Variants in ICA1 observed in about 807,000 individuals in gnomAD.
ICA1 encodes islet cell autoantigen 1, also known as 69 kDa islet cell autoantigen.
In ICA1, 40 loss-of-function variants were observed where a neutral mutation model predicts 71.0. That is an observed-to-expected ratio of 0.56 (90% confidence interval 0.44 to 0.73). The LOEUF (loss-of-function observed/expected upper bound fraction) is 0.73. Ranked by LOEUF, ICA1 falls within the 30% of genes least tolerant of loss-of-function variation. The pLI is 0.00. For missense variants in ICA1, 578 were observed against 576.5 expected (o/e 1.00, Z -0.03); for synonymous variants, 207 against 209.5 (o/e 0.99, Z 0.10).
intron 8 of ICA1, among the ~76,000 whole-genome samples, chr7:8,155,433 T>C (rs1801152964): frequency 6.6e-6 from 1 of 152,210 alleles, no homozygotes; most frequent in African/African-American, 2.4e-5. Context: ...CATATTTTCC[T>C]CAGCACAGGA....
intron 10 of ICA1, among the ~76,000 whole-genome samples, chr7:8,139,645 G>A (rs535348492): frequency 6.6e-6 from 1 of 152,266 alleles, no homozygotes; most frequent in Non-Finnish European, 1.5e-5. Context: ...AACACCAAGC[G>A]TGAATGCTAA....
At chr7:8,180,481 G>A (rs991007692) in intron 6 of ICA1, among the ~76,000 whole-genome samples, 5 of 152,036 alleles carry the variant, frequency 3.3e-5, no homozygotes, top group South Asian at 2.1e-4. Flanking sequence ...AAATACTGCC[G>A]TGAACATTCT....
chr7:8,256,944 G>A (rs1563231782), intron 1 of ICA1, among the ~76,000 whole-genome samples: 2 of 152,212 alleles, frequency 1.3e-5, no homozygotes, highest in South Asian at 4.1e-4. Context: ...TTTTGCAAGT[G>A]AGAAACAAAG....
At chr7:8,237,683 C>G (rs986804064) in intron 1 of ICA1, among the ~76,000 whole-genome samples, 1 of 152,136 alleles carries the variant, frequency 6.6e-6, no homozygotes, top group Non-Finnish European at 1.5e-5. Flanking sequence ...AATGCAAACA[C>G]TCAGTATTTG....
intron 5 of ICA1, among the ~76,000 whole-genome samples, chr7:8,219,461 C>A (rs1435323959): frequency 2.6e-5 from 4 of 152,208 alleles, no homozygotes; most frequent in Non-Finnish European, 5.9e-5. Context: ...GCCTTACGTG[C>A]GTGTAGCACG....
chr7:8,237,891 G>C (rs565074021), intron 1 of ICA1, among the ~76,000 whole-genome samples: 1 of 151,360 alleles, frequency 6.6e-6, no homozygotes, highest in African/African-American at 2.4e-5. Flanking sequence ...TGGATATTTA[G>C]GTTGCTTTCA....
At chr7:8,176,400 G>A (rs1780641776) in intron 6 of ICA1, among the ~76,000 whole-genome samples, 1 of 152,204 alleles carries the variant, frequency 6.6e-6, no homozygotes, top group African/African-American at 2.4e-5. Context: ...CCTCAGCAGA[G>A]TTAGCAGCTT....
At chr7:8,248,192 G>A (rs1316749605) in intron 1 of ICA1, among the ~76,000 whole-genome samples, 8 of 152,124 alleles carry the variant, frequency 5.3e-5, no homozygotes, top group Non-Finnish European at 1.2e-4. Flanking sequence ...TCCATTCAGT[G>A]GGTAGCTTTT....
At position 8,127,979 on chromosome 7, in the gene ICA1, G is replaced by A; in HGVS notation, c.1224C>T (p.Pro408=). The change falls in exon 13 of 14, where the codon CCC becomes CCT. Residue 408 remains proline, a synonymous_variant. Coordinates refer to ENST00000402384, the MANE Select transcript of ICA1 (RefSeq NM_001136020.3). The part of the protein sequence containing the change: ...FGDGQVKEPV[P]TMALGEPDPK... ...GGTCTGGCTCTCCCAGGGCCATAGT[G>A]GGCACTGGCTCCTTCACTTGGCCGT... The A allele has an allele frequency of 6.2e-7, 1 of 1,614,162 alleles. No individual in the cohort carries two copies. Among genetic ancestry groups the A allele is most frequent in the Non-Finnish European group, 8.5e-7 (1 of 1,180,014 alleles).
intron 12 of ICA1, among the ~76,000 whole-genome samples, chr7:8,129,899 T>C (rs1293780572): frequency 7.6e-6 from 1 of 131,312 alleles, no homozygotes; most frequent in Non-Finnish European, 1.5e-5. Context: ...TTCCCCTTCC[T>C]GTGTCCATGT....
rs115062817 is a variant in ICA1, at chr7:8,252,747, T to C, written c.-80+9347A>G. On this transcript the variant is annotated intron_variant, in intron 1 of 13. Coordinates refer to ENST00000402384, the MANE Select transcript of ICA1 (RefSeq NM_001136020.3). ...ATTACATATTTACATATGTATATTA[T>C]ATATTCTGCTTTATATTTAATTATA... 2.6e-3 allele frequency among the ~76,000 whole-genome samples: 395 copies of C among 151,320 alleles called. 5 individuals carry two copies. The highest frequency in any genetic ancestry group is 9.0e-3 in the African/African-American group (372 of 41,408).
chr7:8,153,768 AC>A (rs1800493025), intron 8 of ICA1, among the ~76,000 whole-genome samples: 1 of 151,384 alleles, frequency 6.6e-6, no homozygotes, highest in Non-Finnish European at 1.5e-5. Context: ...AATTTCTACC[AC>A]GTGAAAGATA....
chr7:8,245,307 A>G (rs1257011688), intron 1 of ICA1, among the ~76,000 whole-genome samples: 1 of 150,788 alleles, frequency 6.6e-6, no homozygotes, highest in Non-Finnish European at 1.5e-5. Context: ...AACTATCACA[A>G]GGACAGAAAT....
intron 6 of ICA1, among the ~76,000 whole-genome samples, chr7:8,161,593 T>G (rs1330214357): frequency 2.6e-5 from 4 of 152,232 alleles, no homozygotes; most frequent in African/African-American, 9.7e-5. Context: ...CTTGCTTCTT[T>G]GAGAGGGCCA....
chr7:8,163,751 A>G (rs1167708743), intron 6 of ICA1, among the ~76,000 whole-genome samples: 1 of 152,182 alleles, frequency 6.6e-6, no homozygotes, highest in Non-Finnish European at 1.5e-5. Context: ...ACAATAAAGC[A>G]GGTCCTAGAG....
chr7:8,252,037 T>G (rs2128530203), intron 1 of ICA1, among the ~76,000 whole-genome samples: 1 of 152,182 alleles, frequency 6.6e-6, no homozygotes, highest in East Asian at 1.9e-4. Context: ...AAGATAAAAA[T>G]ATAAAGTGTA....
At chr7:8,230,471 G>A (rs949386688) in intron 3 of ICA1, among the ~76,000 whole-genome samples, 1 of 152,090 alleles carries the variant, frequency 6.6e-6, no homozygotes, top group African/African-American at 2.4e-5. Flanking sequence ...ATCAACATCA[G>A]TATTAACATT....
At chr7:8,199,680 C>T (rs886683242) in intron 6 of ICA1, among the ~76,000 whole-genome samples, 1 of 152,168 alleles carries the variant, frequency 6.6e-6, no homozygotes, top group Non-Finnish European at 1.5e-5. Flanking sequence ...TGCCACTGTG[C>T]TCCACACTGA....
At chr7:8,210,392 C>A (rs553894750) in intron 6 of ICA1, among the ~76,000 whole-genome samples, 1 of 152,090 alleles carries the variant, frequency 6.6e-6, no homozygotes, top group African/African-American at 2.4e-5. Flanking sequence ...TTATTTTGCA[C>A]AAACGTAACT....
Sources: gnomAD v4.1 joint callset for allele counts (sites outside exome capture counted in the v4.1 genomes callset) on GRCh38, gnomAD v4.1.1 for gene constraint, MANE v1.5 for transcripts, NCBI Gene and HGNC (gene_info 2026-07-23, HGNC 2026-07-21) for gene names.